XKR9: variants seen among roughly 807,000 people sequenced by gnomAD.
The protein encoded by XKR9 is XK related 9.
A neutral mutation model predicts 32.0 loss-of-function variants in XKR9; 32 were observed. That is an observed-to-expected ratio of 1.00 (90% confidence interval 0.76 to 1.34). The LOEUF is 1.34. Among genes scored for constraint, XKR9 ranks in the 40% most tolerant of loss-of-function variants. XKR9 has a pLI of 0.00. For synonymous variants in XKR9, 168 were observed against 143.4 expected (o/e 1.17, Z -1.22); for missense variants, 546 against 429.7 (o/e 1.27, Z -2.39).
the XKR9 span, among the ~76,000 whole-genome samples, chr8:70,907,450 AG>A: frequency 6.6e-6 from 1 of 152,176 alleles, no homozygotes; most frequent in Non-Finnish European, 1.5e-5. Flanking sequence ...GCTATGATTA[AG>A]GCCTTTTTAT....
chr8:70,879,097 T>C, the XKR9 span, among the ~76,000 whole-genome samples: 1 of 152,184 alleles, frequency 6.6e-6, no homozygotes, highest in Non-Finnish European at 1.5e-5. Context: ...AAGATGCTCT[T>C]TGAAACCAAT....
At chr8:70,888,320 C>T in the XKR9 span, among the ~76,000 whole-genome samples, 17 of 151,118 alleles carry the variant, frequency 1.1e-4, no homozygotes, top group South Asian at 4.2e-4. Flanking sequence ...TTGGCTATTG[C>T]GTTGTTTGAG....
chr8:70,673,277 A>G (rs1276927705), intron 1 of XKR9, among the ~76,000 whole-genome samples: 2 of 152,204 alleles, frequency 1.3e-5, no homozygotes, highest in Admixed American at 6.5e-5. Flanking sequence ...TTTAAAAATT[A>G]AACTTTCACT....
At chr8:70,863,345 C>A in the XKR9 span, among the ~76,000 whole-genome samples, 1 of 152,164 alleles carries the variant, frequency 6.6e-6, no homozygotes, top group South Asian at 2.1e-4. Flanking sequence ...TACAAAAAAT[C>A]AGTCTAAAGG....
chr8:71,035,903 G>T, the XKR9 span, among the ~76,000 whole-genome samples: 1 of 152,084 alleles, frequency 6.6e-6, no homozygotes, highest in Non-Finnish European at 1.5e-5. Flanking sequence ...CCAGAGGAAA[G>T]AATGCCCTTA....
At chr8:70,861,562 A>G in the XKR9 span, among the ~76,000 whole-genome samples, 5 of 152,004 alleles carry the variant, frequency 3.3e-5, no homozygotes, top group South Asian at 8.3e-4. Flanking sequence ...AGGCAGGAGG[A>G]TGGCTTGAAG....
At chr8:71,049,348 A>C in the XKR9 span, among the ~76,000 whole-genome samples, 1 of 152,228 alleles carries the variant, frequency 6.6e-6, no homozygotes, top group Non-Finnish European at 1.5e-5. Context: ...ACACACACAT[A>C]TATATGTACA....
intron 2 of XKR9, among the ~76,000 whole-genome samples, chr8:70,782,236 GT>G (rs796438614): frequency 3.3e-4 from 50 of 152,258 alleles, no homozygotes; most frequent in African/African-American, 1.1e-3. Context: ...TCCCTCTGCA[GT>G]ATGCTTTCTG....
At chr8:70,875,232 C>T in the XKR9 span, among the ~76,000 whole-genome samples, 2 of 152,168 alleles carry the variant, frequency 1.3e-5, no homozygotes, top group Non-Finnish European at 2.9e-5. Flanking sequence ...AGTTTCTCTA[C>T]AAGATCGTGG....
the XKR9 span, among the ~76,000 whole-genome samples, chr8:70,857,445 A>G: frequency 9.2e-5 from 14 of 152,234 alleles, no homozygotes; most frequent in Admixed American, 9.2e-4. Context: ...ATCTGAATAG[A>G]CCAATAGGAG....
At chr8:70,861,729 A>G in the XKR9 span, among the ~76,000 whole-genome samples, 1 of 152,174 alleles carries the variant, frequency 6.6e-6, no homozygotes, top group Non-Finnish European at 1.5e-5. Context: ...AAATACTTAG[A>G]TTGAGCCTGG....
chr8:70,700,467 G>A (rs894812205), intron 3 of XKR9, among the ~76,000 whole-genome samples: 1 of 152,142 alleles, frequency 6.6e-6, no homozygotes, highest in South Asian at 2.1e-4. Context: ...TGTTTGCCTG[G>A]GTATCAGCAG....
At chr8:70,998,594 T>C in the XKR9 span, among the ~76,000 whole-genome samples, 3 of 152,218 alleles carry the variant, frequency 2.0e-5, no homozygotes, top group African/African-American at 4.8e-5. Flanking sequence ...ATGAATAACT[T>C]TGGGTCCATT....
At chr8:71,038,822 T>TTG in the XKR9 span, among the ~76,000 whole-genome samples, 2 of 147,854 alleles carry the variant, frequency 1.4e-5, no homozygotes, top group African/African-American at 5.1e-5. Flanking sequence ...TTTTTTTTTT[T>TTG]GAGACAGAGT....
At chr8:70,882,317 A>T in the XKR9 span, among the ~76,000 whole-genome samples, 1 of 151,956 alleles carries the variant, frequency 6.6e-6, no homozygotes, top group African/African-American at 2.4e-5. Context: ...TTATAAAAAA[A>T]TTAAGGCATG....
At chr8:70,869,306 A>G in the XKR9 span, among the ~76,000 whole-genome samples, 1 of 152,186 alleles carries the variant, frequency 6.6e-6, no homozygotes, top group East Asian at 1.9e-4. Context: ...TTGATACAGG[A>G]AAAAGGGTTT....
the XKR9 span, among the ~76,000 whole-genome samples, chr8:71,051,386 T>C: frequency 6.6e-6 from 1 of 152,172 alleles, no homozygotes; most frequent in African/African-American, 2.4e-5. Flanking sequence ...TCTCTACAGA[T>C]GGTATTAGCA....
chr8:70,907,884 G>T, the XKR9 span, among the ~76,000 whole-genome samples: 1 of 152,180 alleles, frequency 6.6e-6, no homozygotes, highest in Non-Finnish European at 1.5e-5. Flanking sequence ...GCTCAAAATA[G>T]AAAGTTATAA....
At chr8:70,884,714 C>G in the XKR9 span, among the ~76,000 whole-genome samples, 1 of 152,090 alleles carries the variant, frequency 6.6e-6, no homozygotes, top group Non-Finnish European at 1.5e-5. Context: ...GGGTCTGTTT[C>G]TGGATCCTCT....
Sources: gnomAD v4.1 joint callset for allele counts (sites outside exome capture counted in the v4.1 genomes callset) on GRCh38, gnomAD v4.1.1 for gene constraint, MANE v1.5 for transcripts, NCBI Gene and HGNC (gene_info 2026-07-23, HGNC 2026-07-21) for gene names.